The following CEMIP2 variants were observed in gnomAD, a reference collection of about 807,000 sequenced individuals.
CEMIP2 encodes the protein cell migration inducing hyaluronidase 2.
In CEMIP2, 79 loss-of-function variants were observed where a neutral mutation model predicts 146.9. The ratio of observed to expected loss-of-function variants is 0.54; its 90% CI spans 0.45 to 0.65. The LOEUF (loss-of-function observed/expected upper bound fraction) is 0.65. Ranked by LOEUF, CEMIP2 falls within the 30% of genes least tolerant of loss-of-function variation. CEMIP2 has a pLI of 0.00. For missense variants in CEMIP2, 1,596 were observed against 1,696.2 expected (o/e 0.94, Z 1.04); for synonymous variants, 601 against 606.3 (o/e 0.99, Z 0.13).
rs1281184160 is a variant in CEMIP2, at chr9:71,725,618, C to A, written c.2141G>T (p.Gly714Val). 1 of 1,613,846 alleles carries A rather than the reference C, an allele frequency of 6.2e-7. No individual in the cohort carries two copies. ...ATGGACCCTGTTGTTATAAAATATA[C>A]CCAATGGAGTGAGTTCTGGTTTTGC... Reference protein sequence around the residue: ...LLAKPELTPLGIFYNNRVHSN... With the variant: ...LLAKPELTPLVIFYNNRVHSN... The change falls in exon 11 of 24, where the codon GGT becomes GTT. Residue 714 changes from glycine to valine, a missense_variant. Coordinates refer to ENST00000377044, the MANE Select transcript of CEMIP2 (RefSeq NM_013390.3).
chr9:71,742,400 T>C (rs902277540), intron 4 of CEMIP2, among the ~76,000 whole-genome samples: 1 of 152,218 alleles, frequency 6.6e-6, no homozygotes, highest in African/African-American at 2.4e-5. Context: ...TTCTTTCTCT[T>C]CTATCGACAT....
chr9:71,729,764 T>A (rs1374616990), intron 10 of CEMIP2, 81 bp downstream of exon 10: 1 of 1,389,590 alleles, frequency 7.2e-7, no homozygotes, highest in African/African-American at 1.4e-5. Flanking sequence ...CTGGCACACA[T>A]GACATTAAAT....
chr9:71,754,408 G>T (rs909487718), intron 1 of CEMIP2, among the ~76,000 whole-genome samples: 1 of 152,052 alleles, frequency 6.6e-6, no homozygotes, highest in African/African-American at 2.4e-5. Flanking sequence ...GGCTTTCAAG[G>T]CAAACTTAAG....
intron 1 of CEMIP2, among the ~76,000 whole-genome samples, chr9:71,757,822 C>T (rs550919935): frequency 6.6e-6 from 1 of 152,238 alleles, no homozygotes; most frequent in South Asian, 2.1e-4. Context: ...AGATTATGTC[C>T]ATTGACAAAC....
At chr9:71,691,050 T>C (rs1822211481) in intron 21 of CEMIP2, among the ~76,000 whole-genome samples, 1 of 152,242 alleles carries the variant, frequency 6.6e-6, no homozygotes, top group South Asian at 2.1e-4. Context: ...AGAAATGTTC[T>C]TACCACTACA....
At chr9:71,715,656 T>G (rs928598793) in intron 14 of CEMIP2, among the ~76,000 whole-genome samples, 1 of 69,762 alleles carries the variant, frequency 1.4e-5, no homozygotes, top group African/African-American at 3.2e-5. Flanking sequence ...ATACTTTTTT[T>G]TTTTTAAAGA....
intron 2 of CEMIP2, among the ~76,000 whole-genome samples, chr9:71,748,741 T>C (rs943612555): frequency 3.9e-5 from 6 of 152,214 alleles, no homozygotes; most frequent in Non-Finnish European, 5.9e-5. Flanking sequence ...ACTTGTTTGG[T>C]CCATAAGGAT....
At chr9:71,753,473 A>T (rs760118530) in intron 1 of CEMIP2, among the ~76,000 whole-genome samples, 6 of 152,166 alleles carry the variant, frequency 3.9e-5, no homozygotes, top group Non-Finnish European at 8.8e-5. Context: ...AAAAATAAGC[A>T]TGGTCGTGTT....
At chr9:71,737,783 A>G (rs938452739) in intron 5 of CEMIP2, among the ~76,000 whole-genome samples, 1 of 152,212 alleles carries the variant, frequency 6.6e-6, no homozygotes. Flanking sequence ...AGTGCCTAAC[A>G]AATCTAAAAT....
chr9:71,723,991 G>C (rs1264414260), intron 11 of CEMIP2, among the ~76,000 whole-genome samples: 1 of 152,078 alleles, frequency 6.6e-6, no homozygotes, highest in African/African-American at 2.4e-5. Context: ...GTAAATTACT[G>C]CACATTAAAA....
chr9:71,729,754 C>T (rs2131964667), intron 10 of CEMIP2, 91 bp downstream of exon 10: 2 of 1,265,882 alleles, frequency 1.6e-6, no homozygotes, highest in Non-Finnish European at 2.3e-6. Flanking sequence ...TTGGGTTACA[C>T]TGGCACACAT....
chr9:71,711,517 T>TGCA (rs1317223623), intron 16 of CEMIP2, among the ~76,000 whole-genome samples: 2 of 151,250 alleles, frequency 1.3e-5, no homozygotes, highest in African/African-American at 2.4e-5. Context: ...AGGTTGAAGC[T>TGCA]GCAGTGAGCC....
At chr9:71,714,643 G>A (rs1822997248) in intron 15 of CEMIP2, among the ~76,000 whole-genome samples, 1 of 152,030 alleles carries the variant, frequency 6.6e-6, no homozygotes, top group Admixed American at 6.6e-5. Context: ...TTTATATAAG[G>A]TCTTATACAA....
chr9:71,693,433 A>G (rs973988713), intron 21 of CEMIP2, among the ~76,000 whole-genome samples: 8 of 152,254 alleles, frequency 5.3e-5, no homozygotes, highest in African/African-American at 1.9e-4. Flanking sequence ...CAAGCCACTT[A>G]GAAAAGACAA....
intron 1 of CEMIP2, among the ~76,000 whole-genome samples, chr9:71,761,038 G>A (rs987179223): frequency 3.3e-5 from 5 of 152,224 alleles, no homozygotes; most frequent in South Asian, 4.1e-4. Flanking sequence ...GAAGATTCAA[G>A]AGAGGCTTCC....
intron 16 of CEMIP2, 72 bp downstream of exon 16, chr9:71,712,011 T>C (rs1822919774): frequency 1.3e-6 from 2 of 1,529,120 alleles, no homozygotes; most frequent in Admixed American, 3.8e-5. Flanking sequence ...CTTTGCGTTT[T>C]TGTCTTTGGG....
intron 6 of CEMIP2, among the ~76,000 whole-genome samples, chr9:71,734,419 T>G (rs1389738114): frequency 6.6e-6 from 1 of 152,076 alleles, no homozygotes; most frequent in African/African-American, 2.4e-5. Context: ...GATTAATACT[T>G]AGGTGAAGGG....
At chr9:71,748,622 T>C (rs928972268) in intron 2 of CEMIP2, among the ~76,000 whole-genome samples, 1 of 152,148 alleles carries the variant, frequency 6.6e-6, no homozygotes, top group East Asian at 1.9e-4. Flanking sequence ...ACAGTGAACT[T>C]GGTTATTATG....
chr9:71,768,752 G>C (rs1027693668), upstream of CEMIP2: 3 of 152,392 alleles, frequency 2.0e-5, no homozygotes, highest in Non-Finnish European at 4.4e-5. Context: ...GCGACAACAG[G>C]GGAGGAGGCG....
Sources: allele counts gnomAD v4.1 joint callset (sites outside exome capture counted in the v4.1 genomes callset), GRCh38; gene constraint gnomAD v4.1.1; transcripts MANE v1.5; gene names NCBI Gene and HGNC (gene_info 2026-07-23, HGNC 2026-07-21).